The following PPP3CA variants were observed in gnomAD, a reference collection of about 807,000 sequenced individuals.
PPP3CA encodes the protein protein phosphatase 3 catalytic subunit alpha.
PPP3CA carries 14 observed loss-of-function variants against 66.5 expected under a neutral mutation model. The observed-to-expected ratio is 0.21, with a 90% CI of 0.14 to 0.33. The LOEUF (loss-of-function observed/expected upper bound fraction) is 0.33, where lower values mean the gene tolerates loss of function less well. Among genes scored for constraint, PPP3CA ranks in the 10% least tolerant of loss-of-function variants. PPP3CA has a pLI of 1.00. For synonymous variants in PPP3CA, 232 were observed against 226.2 expected, an observed-to-expected ratio of 1.03 and a Z score of -0.23; for missense variants, 317 against 639.5, an observed-to-expected ratio of 0.50 and a Z score of 5.44.
chr4:101,032,267 C>T lies in PPP3CA; in HGVS notation c.1339G>A (p.Ala447Thr), dbSNP rs1553920374. The T allele has an allele frequency of 6.3e-7, 1 of 1,595,476 alleles. No homozygotes were observed. Among genetic ancestry groups the T allele is most frequent in the Non-Finnish European group, 8.5e-7 (1 of 1,171,914 alleles). ...CAGTCATACCCATCAGCCTGCTTAC[C>T]GCTTTGCAGGGTTTGCTTCCCTCCA... Reference protein sequence around the residue: ...LSGGKQTLQSATVEAIEADEA... With the variant: ...LSGGKQTLQSTTVEAIEADEA... Residue 447 changes from alanine to threonine, a missense_variant and splice_region_variant, in exon 12 of 14, where the codon GCT becomes ACT. Coordinates refer to ENST00000394854, the MANE Select transcript of PPP3CA (RefSeq NM_000944.5).
intron 8 of PPP3CA, among the ~76,000 whole-genome samples, chr4:101,077,448 C>T (rs575229509): frequency 5.9e-5 from 9 of 152,266 alleles, no homozygotes; most frequent in South Asian, 2.1e-4. Flanking sequence ...TTTGAAGGTG[C>T]TTGCAATCCA....
At chr4:101,226,293 T>C (rs1725780505) in intron 1 of PPP3CA, among the ~76,000 whole-genome samples, 2 of 151,704 alleles carry the variant, frequency 1.3e-5, no homozygotes, top group Admixed American at 1.3e-4. Flanking sequence ...TTCTCCACCC[T>C]AGTTGTTGTC....
Position 101,237,172 on chromosome 4 carries a change from T to G in PPP3CA, c.59-41056A>C, listed in dbSNP as rs115052048. Among the ~76,000 whole-genome samples, 90 of 150,034 alleles carry G rather than the reference T, an allele frequency of 6.0e-4. 1 individual carries two copies. Among genetic ancestry groups the G allele is most frequent in the African/African-American group, 2.0e-3 (81 of 40,768 alleles). ...TTTTCTATTATCTATTATTTTCTAT[T>G]ATTTAGAAAATACAATTTCTCCTGC... On this transcript the variant is annotated intron_variant, in intron 1 of 13. Transcript: ENST00000394854.
intron 2 of PPP3CA, among the ~76,000 whole-genome samples, chr4:101,124,024 C>A (rs186755489): frequency 1.1e-3 from 172 of 152,308 alleles, no homozygotes; most frequent in Non-Finnish European, 1.8e-3. Flanking sequence ...CTTTCTTTAG[C>A]ACCACTTGAT....
intron 8 of PPP3CA, among the ~76,000 whole-genome samples, chr4:101,077,284 T>C (rs1008253308): frequency 7.9e-5 from 12 of 152,262 alleles, no homozygotes; most frequent in Admixed American, 3.3e-4. Context: ...TTTTGCCAGA[T>C]AGTATTACTG....
rs1412415941 is a variant in PPP3CA at position 101,124,725 on chromosome 4, G to GAAAA, written c.260-15648_260-15647insTTTT. Among the ~76,000 whole-genome samples the GAAAA allele has an allele frequency of 1.4e-3, 80 of 58,836 alleles. 1 individual carries two copies. The highest frequency in any genetic ancestry group is 4.3e-3 in the African/African-American group (75 of 17,526). The allele number at this position is 58,836 out of a possible 152,430, so 38.6% of individuals were successfully genotyped here. ...AGAAAGAAAGAAAGAAAGAAAGAAAGAGAAAGAAAGAAAGAAAGAAAGAAA... is the reference window on the plus strand; with the variant it reads ...AGAAAGAAAGAAAGAAAGAAAGAAAGAAAAAGAAAGAAAGAAAGAAAGAAAGAAA... On this transcript the variant is annotated intron_variant, in intron 2 of 13. Transcript: ENST00000394854.
chr4:101,160,048 G>GTATACTGCCTTCAGCCTGCTCACTCTGA (rs1560633220), intron 2 of PPP3CA, among the ~76,000 whole-genome samples: 1 of 152,086 alleles, frequency 6.6e-6, no homozygotes, highest in Admixed American at 6.6e-5. Context: ...GCTAGGATAA[G>GTATACTGCCTTCAGCCTGCTCACTCTGA]GTGACAACTA....
rs140975306 is a variant in PPP3CA, at chr4:101,069,453, C to T, written c.956-6096G>A. On this transcript the variant is annotated intron_variant, in intron 8 of 13. Coordinates refer to ENST00000394854, the MANE Select transcript of PPP3CA (RefSeq NM_000944.5). ...CTTGTACATGCATCCTTCATAGTAC[C>T]TACAACACCTTTTCAAACTTTGTTA... 2.0e-5 allele frequency among the ~76,000 whole-genome samples: 3 copies of T among 152,208 alleles called. No individual in the cohort carries two copies. The East Asian group carries it at 5.8e-4, about 29-fold the overall frequency.
intron 5 of PPP3CA, among the ~76,000 whole-genome samples, chr4:101,098,058 C>T (rs1039683785): frequency 2.4e-4 from 37 of 152,058 alleles, no homozygotes; most frequent in Admixed American, 2.2e-3. Context: ...GAATATACAA[C>T]GGATTGTTTG....
At chr4:101,306,109 T>C (rs994753776) in intron 1 of PPP3CA, among the ~76,000 whole-genome samples, 1 of 152,188 alleles carries the variant, frequency 6.6e-6, no homozygotes, top group Non-Finnish European at 1.5e-5. Flanking sequence ...AAAAATTCCT[T>C]AGCACAAGAA....
At chr4:101,199,236 C>T (rs962239573) in intron 1 of PPP3CA, among the ~76,000 whole-genome samples, 16 of 152,130 alleles carry the variant, frequency 1.1e-4, no homozygotes, top group African/African-American at 3.9e-4. Context: ...ACTATTTAGA[C>T]CAAAGAATCC....
rs1730022824 is a variant in PPP3CA at position 101,346,869 on chromosome 4, G to C, written c.-73C>G. On this transcript the variant is annotated 5_prime_UTR_variant, in exon 1 of 14. Coordinates refer to ENST00000394854, the MANE Select transcript of PPP3CA (RefSeq NM_000944.5). The stretch of plus-strand genomic sequence containing the variant: ...ACACCCCGACCGGACCGGCGGGCCA[G>C]ACACTCAACGCCGCCGCCGCCGCCG... 6 of 1,479,776 alleles carry C rather than the reference G, an allele frequency of 4.1e-6. No homozygotes were observed. Among genetic ancestry groups the C allele is most frequent in the South Asian group, 1.2e-5 (1 of 82,652 alleles). The allele number at this position is 1,479,776 out of a possible 1,614,324, so 91.7% of individuals were successfully genotyped here.
chr4:101,307,710 T>C (rs1728591250), intron 1 of PPP3CA, among the ~76,000 whole-genome samples: 1 of 152,210 alleles, frequency 6.6e-6, no homozygotes, highest in Non-Finnish European at 1.5e-5. Context: ...CAGATGTACT[T>C]GTGGCCAACA....
chr4:101,346,111 C>T lies in PPP3CA; in HGVS notation c.58+628G>A, dbSNP rs1028531527. The stretch of plus-strand genomic sequence containing the variant: ...CAGCCAGCGACCGCCCCCGCCCCCG[C>T]CCCGCGCGGAAGGAAGCGCCGGGCT... On this transcript the variant is annotated intron_variant, in intron 1 of 13. Coordinates refer to ENST00000394854, the MANE Select transcript of PPP3CA (RefSeq NM_000944.5). Among the ~76,000 whole-genome samples, 96 of 151,950 alleles carry T rather than the reference C, an allele frequency of 6.3e-4. 2 individuals are homozygous for T. Among genetic ancestry groups the T allele is most frequent in the South Asian group, 8.3e-4 (4 of 4,816 alleles).
chr4:101,262,824 G>A (rs890525440), intron 1 of PPP3CA, among the ~76,000 whole-genome samples: 7 of 152,148 alleles, frequency 4.6e-5, no homozygotes, highest in Non-Finnish European at 1.5e-5. Flanking sequence ...CATAGTTAGT[G>A]GGCTGGCTAC....
chr4:101,040,343 C>T (rs1727458269), intron 11 of PPP3CA, 139 bp downstream of exon 11: 1 of 566,498 alleles, frequency 1.8e-6, no homozygotes, highest in African/African-American at 1.9e-5. Context: ...ATTTAATTTT[C>T]CTCAATTTTT....
chr4:101,085,713 G>A (rs1238325973), intron 6 of PPP3CA, among the ~76,000 whole-genome samples: 2 of 151,994 alleles, frequency 1.3e-5, no homozygotes, highest in African/African-American at 4.8e-5. Context: ...TATTTACCTA[G>A]GATATACAGA....
intron 10 of PPP3CA, among the ~76,000 whole-genome samples, chr4:101,049,180 G>A (rs1424692584): frequency 3.9e-5 from 6 of 152,088 alleles, no homozygotes; most frequent in African/African-American, 1.4e-4. Context: ...TGTTCTCTAA[G>A]ATGTTGTGTT....
In PPP3CA at chr4:101,183,401, T is replaced by C. The variant is rs149115158; in HGVS notation, c.259+12515A>G. Among the ~76,000 whole-genome samples, 500 of 152,242 alleles carry C rather than the reference T, an allele frequency of 3.3e-3. 2 individuals are homozygous for C. The Middle Eastern group carries it at 0.044, about 13-fold the overall frequency. Reference sequence around the variant, plus strand: ...ACAAAAACTTAGTGACTCAGCCATATATAGTGATAGAGGAAACTAAGAAAT... The same window carrying C: ...ACAAAAACTTAGTGACTCAGCCATACATAGTGATAGAGGAAACTAAGAAAT... On this transcript the variant is annotated intron_variant, in intron 2 of 13. Transcript: ENST00000394854.
Sources: allele counts gnomAD v4.1 joint callset (sites outside exome capture counted in the v4.1 genomes callset), GRCh38; gene constraint gnomAD v4.1.1; transcripts MANE v1.5; gene names NCBI Gene and HGNC (gene_info 2026-07-23, HGNC 2026-07-21).